The following SCFD2 variants were observed in gnomAD, a reference collection of about 807,000 sequenced individuals.
SCFD2 encodes the protein sec1 family domain-containing protein 2.
A neutral mutation model predicts 58.9 loss-of-function variants in SCFD2; 54 were observed. That is an observed-to-expected ratio of 0.92 (90% CI 0.74 to 1.15). The LOEUF (loss-of-function observed/expected upper bound fraction) is 1.15, where lower values mean the gene tolerates loss of function less well. Among genes scored for constraint, SCFD2 ranks in the 50% most tolerant of loss-of-function variants. SCFD2 has a pLI of 0.00. For missense variants in SCFD2, 805 were observed against 836.6 expected, an observed-to-expected ratio of 0.96 and a Z score of 0.47; for synonymous variants, 321 against 335.9, an observed-to-expected ratio of 0.96 and a Z score of 0.49.
chr4:53,202,727 A>G (rs1402409794), intron 4 of SCFD2, among the ~76,000 whole-genome samples: 3 of 151,958 alleles, frequency 2.0e-5, no homozygotes, highest in Admixed American at 1.3e-4. Context: ...AGTTCTCCTT[A>G]AAGAGGTCCT....
Position 53,365,761 on chromosome 4 carries a change from G to A in SCFD2, c.181C>T (p.Pro61Ser), listed in dbSNP as rs1300511763. Residue 61 changes from proline to serine, a missense_variant, in exon 1 of 9, where the codon CCC (proline) becomes TCC (serine). Transcript: ENST00000401642. The surrounding 1 kb of genome is among the most constrained non-coding windows in gnomAD (Gnocchi z 4.3). ...TTGGCTCCACCACCAATTGCGTCGG[G>A]CTCGAACTCTCGCAGGTGACAGTCA... ...GPDCHLREFE[P>S]DAIGGGAKQP... 6.2e-7 allele frequency: 1 copy of A among 1,613,848 alleles called. No homozygotes were observed. The highest frequency in any genetic ancestry group is 1.7e-5 in the Admixed American group (1 of 60,018).
chr4:52,994,669 A>G (rs1244203631), intron 5 of SCFD2, among the ~76,000 whole-genome samples: 1 of 152,090 alleles, frequency 6.6e-6, no homozygotes, highest in Non-Finnish European at 1.5e-5. Flanking sequence ...GATATACCAC[A>G]CTGTTGGCGA....
chr4:53,322,582 G>A (rs970224195), intron 2 of SCFD2, among the ~76,000 whole-genome samples: 4 of 152,034 alleles, frequency 2.6e-5, no homozygotes, highest in Non-Finnish European at 5.9e-5. Context: ...CAACACAAAC[G>A]TATTAATAAT....
intron 5 of SCFD2, among the ~76,000 whole-genome samples, chr4:52,974,356 A>G (rs1721194475): frequency 6.6e-6 from 1 of 152,326 alleles, no homozygotes; most frequent in African/African-American, 2.4e-5. Flanking sequence ...AAAAATCACA[A>G]GCATTCTTAT....
intron 5 of SCFD2, among the ~76,000 whole-genome samples, chr4:53,020,685 C>T (rs541252589): frequency 6.6e-6 from 1 of 152,276 alleles, no homozygotes; most frequent in African/African-American, 2.4e-5. Context: ...TCCCAGCCTC[C>T]CCTGCAAATA....
At chr4:53,037,089 C>T (rs1376632799) in intron 5 of SCFD2, among the ~76,000 whole-genome samples, 1 of 152,092 alleles carries the variant, frequency 6.6e-6, no homozygotes. Context: ...GTGAATATCC[C>T]TGTATTTAAG....
chr4:53,328,253 G>A (rs1733280153), intron 2 of SCFD2, among the ~76,000 whole-genome samples: 1 of 152,044 alleles, frequency 6.6e-6, no homozygotes. Flanking sequence ...CCACTGTGAG[G>A]CCCTGGGAAC....
chr4:53,355,326 T>G (rs1734370235), intron 1 of SCFD2, among the ~76,000 whole-genome samples: 1 of 152,182 alleles, frequency 6.6e-6, no homozygotes, highest in Non-Finnish European at 1.5e-5. Context: ...TTTCACTTAC[T>G]CTACTTCATT....
At chr4:52,909,748 G>T (rs1453830147) in intron 6 of SCFD2, among the ~76,000 whole-genome samples, 4 of 152,084 alleles carry the variant, frequency 2.6e-5, no homozygotes, top group East Asian at 3.9e-4. Context: ...GTTATTTAGG[G>T]TTATCTCTAG....
At chr4:53,320,295 T>G (rs1382132547) in intron 2 of SCFD2, among the ~76,000 whole-genome samples, 2 of 152,210 alleles carry the variant, frequency 1.3e-5, no homozygotes, top group African/African-American at 4.8e-5. Flanking sequence ...ATTTCTGAGA[T>G]TCCTTGGGTC....
At chr4:53,167,686 A>G (rs1196625027) in intron 4 of SCFD2, among the ~76,000 whole-genome samples, 2 of 152,216 alleles carry the variant, frequency 1.3e-5, no homozygotes, top group Admixed American at 1.3e-4. Context: ...ATACATGAGA[A>G]CCTAGGATAA....
At chr4:53,303,755 T>C (rs1192152049) in intron 3 of SCFD2, among the ~76,000 whole-genome samples, 1 of 151,854 alleles carries the variant, frequency 6.6e-6, no homozygotes, top group Non-Finnish European at 1.5e-5. Flanking sequence ...ATATACACCA[T>C]GGAATACTAT....
chr4:53,003,143 A>T (rs1721901298), intron 5 of SCFD2, among the ~76,000 whole-genome samples: 1 of 152,232 alleles, frequency 6.6e-6, no homozygotes, highest in Non-Finnish European at 1.5e-5. Context: ...GTGGGGACAC[A>T]GATCCAAACC....
At chr4:53,004,666 C>A (rs1721933847) in intron 5 of SCFD2, among the ~76,000 whole-genome samples, 1 of 151,966 alleles carries the variant, frequency 6.6e-6, no homozygotes, top group Non-Finnish European at 1.5e-5. Context: ...GACAGATGGG[C>A]CAATGGAGGT....
chr4:52,895,119 T>C (rs1189770660), intron 7 of SCFD2, among the ~76,000 whole-genome samples: 2 of 152,082 alleles, frequency 1.3e-5, no homozygotes, highest in African/African-American at 4.8e-5. Flanking sequence ...GGGTACAGAT[T>C]GTATTTTCCA....
chr4:52,994,342 T>G (rs1721691731), intron 5 of SCFD2, among the ~76,000 whole-genome samples: 1 of 152,164 alleles, frequency 6.6e-6, no homozygotes, highest in South Asian at 2.1e-4. Context: ...AGCGGGGAAG[T>G]GGAAAGAGCA....
At chr4:52,942,778 C>T (rs973025553) in intron 5 of SCFD2, among the ~76,000 whole-genome samples, 1 of 152,102 alleles carries the variant, frequency 6.6e-6, no homozygotes, top group African/African-American at 2.4e-5. Context: ...TATTTCACTC[C>T]ACTTAATATA....
intron 5 of SCFD2, chr4:52,956,020 G>A: frequency 2.2e-6 from 1 of 456,428 alleles, no homozygotes; most frequent in Middle Eastern, 3.3e-4. Flanking sequence ...GCTTCACTGT[G>A]GGACTTCAGA....
At chr4:52,965,983 T>C (rs1720954315) in intron 5 of SCFD2, among the ~76,000 whole-genome samples, 2 of 152,238 alleles carry the variant, frequency 1.3e-5, no homozygotes, top group Non-Finnish European at 2.9e-5. Flanking sequence ...AAAAATGTGC[T>C]AAACTTGGAT....
Sources: gnomAD v4.1 joint callset for allele counts (sites outside exome capture counted in the v4.1 genomes callset) on GRCh38, gnomAD v4.1.1 for gene constraint, Gnocchi (gnomAD v3.1) non-coding constraint, MANE v1.5 for transcripts, NCBI Gene and HGNC (gene_info 2026-07-23, HGNC 2026-07-21) for gene names.